FUS: variants seen among roughly 807,000 people sequenced by gnomAD.
The protein encoded by FUS is FUS RNA binding protein.
In FUS, 5 loss-of-function variants were observed where a neutral mutation model predicts 82.7. That is an observed-to-expected ratio of 0.06 (90% CI 0.03 to 0.13). FUS has a LOEUF of 0.13. Among genes scored for constraint, FUS ranks in the 10% least tolerant of loss-of-function variants. The pLI, the probability that FUS is intolerant of heterozygous loss-of-function variation, is 1.00. For missense variants in FUS, 512 were observed against 707.8 expected (o/e 0.72, Z 3.14); for synonymous variants, 281 against 247.4 (o/e 1.14, Z -1.27).
downstream of FUS, chr16:31,192,559 ATTTTTAT>A (rs1182198632): frequency 1.2e-5 from 6 of 495,588 alleles, no homozygotes; most frequent in Admixed American, 2.3e-5. Context: ...TTCCTCTCAA[ATTTTTAT>A]TTTTTATTTT....
At chr16:31,185,202 A>T (rs2079249740) in intron 6 of FUS, 23 bp downstream of exon 6, 1 of 1,594,382 alleles carries the variant, frequency 6.3e-7, no homozygotes, top group Non-Finnish European at 8.6e-7. Flanking sequence ...TGAGCCAGGG[A>T]GTATCTTTGG....
chr16:31,188,446 CTG>C (rs2079304305), intron 8 of FUS, 89 bp downstream of exon 8: 11 of 1,425,688 alleles, frequency 7.7e-6, no homozygotes, highest in Non-Finnish European at 9.8e-6. Context: ...AAAAAGGAAA[CTG>C]AAAAAAATGG....
chr16:31,194,470 G>C (rs575479058), downstream of FUS: 2 of 498,584 alleles, frequency 4.0e-6, no homozygotes, highest in Non-Finnish European at 7.9e-6. Flanking sequence ...ATTTTTTTTT[G>C]TATTTTTTGT....
chr16:31,185,978 G>C (rs1010524196), intron 6 of FUS: 2 of 237,158 alleles, frequency 8.4e-6, no homozygotes, highest in East Asian at 1.2e-4. Context: ...AGGAATGTCA[G>C]TGTTACTGTT....
chr16:31,180,173 T>G lies in FUS; in HGVS notation c.-42T>G, dbSNP rs367552345. The G allele has an allele frequency of 1.0e-5, 16 of 1,606,212 alleles. No homozygotes were observed. In the African/African-American group the frequency reaches 1.9e-4, roughly 19 times the overall value. On this transcript the variant is annotated 5_prime_UTR_variant, in exon 1 of 15. Coordinates refer to ENST00000254108, the MANE Select transcript of FUS (RefSeq NM_004960.4). ...TCCAGGCGTCGGTACTCAGCGGTGT[T>G]GGAACTTCGTTGCTTGCTTGCCTGT...
intron 14 of FUS, 61 bp from the exon 15 acceptor site, chr16:31,191,338 G>A: frequency 6.2e-7 from 1 of 1,601,980 alleles, no homozygotes; most frequent in Non-Finnish European, 8.5e-7. Context: ...GGATATCTAG[G>A]CTTGGAGAGG....
downstream of FUS, chr16:31,191,791 A>C: frequency 1.7e-6 from 1 of 582,800 alleles, no homozygotes; most frequent in East Asian, 3.6e-5. Flanking sequence ...TTGGTGTATA[A>C]ATGAGAAATG....
chr16:31,185,072 T>A lies in FUS; in HGVS notation c.657T>A (p.Gly219=). Residue 219 remains glycine (G), a synonymous_variant, in exon 6 of 15, where the codon GGT becomes GGA. Coordinates refer to ENST00000254108, the MANE Select transcript of FUS (RefSeq NM_004960.4). ...GQQDRGGRGR[G]GSGGGGGGGG... ...AGGACCGTGGAGGCCGCGGCAGGGG[T>A]GGCAGTGGTGGCGGCGGCGGCGGCG... is the stretch of plus-strand genomic sequence containing the variant. 2 of 1,608,274 alleles carry A rather than the reference T, an allele frequency of 1.2e-6. No homozygotes were observed. The highest frequency in any genetic ancestry group is 2.7e-5 in the African/African-American group (2 of 74,498).
Position 31,190,841 on chromosome 16 carries a change from G to T in FUS, c.1392G>T (p.Met464Ile), listed in dbSNP as rs1555509556. 3.1e-6 allele frequency: 5 copies of T among 1,613,982 alleles called. No homozygotes were observed. In the East Asian group the frequency reaches 1.1e-4, roughly 36 times the overall value. Residue 464 changes from methionine (M) to isoleucine (I), a missense_variant and splice_region_variant, in exon 13 of 15, where the codon ATG becomes ATT. Met to Ile is a conservative substitution (Grantham distance 10). Coordinates refer to ENST00000254108, the MANE Select transcript of FUS (RefSeq NM_004960.4). Reference protein sequence around the residue: ...GPGGGPGGSHMGGNYGDDRRG... With the variant: ...GPGGGPGGSHIGGNYGDDRRG... ...GAGGGGGACCAGGTGGCTCTCACAT[G>T]GGTAAGAAAGGCAGACCTGGTGCTA... is the stretch of plus-strand genomic sequence containing the variant.
At position 31,182,614 on chromosome 16, in the gene FUS, C is replaced by T; in HGVS notation, c.140C>T (p.Thr47Ile). Residue 47 changes from threonine to isoleucine, a missense_variant, in exon 3 of 15, where the codon ACT (threonine) becomes ATT (isoleucine). Thr to Ile is a moderately conservative substitution (Grantham distance 89, BLOSUM62 -1). This residue lies in a region of FUS where 276 missense variants were observed against 303.3 expected (regional missense o/e 0.91). Coordinates refer to ENST00000254108, the MANE Select transcript of FUS (RefSeq NM_004960.4). ...AGTGGTTATAGCCAGTCCACGGACACTTCAGGCTATGGCCAGAGCAGCTAT... is the reference window on the plus strand; with the variant it reads ...AGTGGTTATAGCCAGTCCACGGACATTTCAGGCTATGGCCAGAGCAGCTAT... ...SYSGYSQSTD[T>I]SGYGQSSYSS... is the part of the protein sequence containing the mutation. 1 of 1,614,216 alleles carries T rather than the reference C, an allele frequency of 6.2e-7. No individual in the cohort carries two copies. Among genetic ancestry groups the T allele is most frequent in the Non-Finnish European group, 8.5e-7 (1 of 1,180,030 alleles).
chr16:31,194,270 T>G (rs1279591314), downstream of FUS: 2 of 530,718 alleles, frequency 3.8e-6, no homozygotes, highest in South Asian at 3.1e-5. Context: ...AGGCATGTCT[T>G]CCTTCCAGTC....
rs764863187 is a variant in FUS, at chr16:31,185,174, C to T, written c.759C>T (p.Gly253=). 6.2e-7 allele frequency: 1 copy of T among 1,608,210 alleles called. No homozygotes were observed. The highest frequency in any genetic ancestry group is 8.5e-7 in the Non-Finnish European group (1 of 1,177,144). ...GAGGTGGCCGTGGAGGCAGAGGTGG[C>T]ATGGGGTAGGTGTCTCATGAGCCAG... ...GRGGGRGGRG[G]MGGSDRGGFN... Residue 253 remains glycine, a synonymous_variant, in exon 6 of 15, where the codon GGC becomes GGT. Coordinates refer to ENST00000254108, the MANE Select transcript of FUS (RefSeq NM_004960.4).
intron 1 of FUS, 70 bp downstream of exon 1, chr16:31,180,297 C>A: frequency 6.4e-7 from 1 of 1,555,604 alleles, no homozygotes; most frequent in Non-Finnish European, 8.7e-7. Context: ...TTTTCGTTTT[C>A]AGTGGGACCG....
Position 31,184,972 on chromosome 16 carries a change from G to T in FUS, c.557G>T (p.Ser186Ile), listed in dbSNP as rs751402052. Residue 186 changes from serine (S) to isoleucine (I), a missense_variant, in exon 6 of 15, where the codon AGT becomes ATT. Ser to Ile is a moderately radical substitution (Grantham distance 142). This residue lies in a region of FUS where 276 missense variants were observed against 303.3 expected (regional missense o/e 0.91). Coordinates refer to ENST00000254108, the MANE Select transcript of FUS (RefSeq NM_004960.4). ...NYGQDQSSMS[S>I]GGGSGGGYGN... is the part of the protein sequence containing the mutation. ...GGCCAAGATCAATCCTCCATGAGTAGTGGTGGTGGCAGTGGTGGCGGTTAT... is the reference window on the plus strand; with the variant it reads ...GGCCAAGATCAATCCTCCATGAGTATTGGTGGTGGCAGTGGTGGCGGTTAT... 9.9e-6 allele frequency: 16 copies of T among 1,613,556 alleles called. 1 individual carries two copies. In the South Asian group the frequency reaches 1.3e-4, roughly 13 times the overall value.
intron 4 of FUS, 56 bp from the exon 5 acceptor site, chr16:31,184,153 A>T: frequency 1.2e-6 from 2 of 1,614,040 alleles, no homozygotes; most frequent in Non-Finnish European, 1.7e-6. Context: ...TAAAAGTGAA[A>T]GGAAATTGGG....
In FUS at chr16:31,191,529, C is replaced by A; in HGVS notation, c.*91C>A. 1 of 1,412,704 alleles carries A rather than the reference C, an allele frequency of 7.1e-7. No individual in the cohort carries two copies. The highest frequency in any genetic ancestry group is 1.0e-6 in the Non-Finnish European group (1 of 1,000,008). The allele number at this position is 1,412,704 out of a possible 1,614,324, so 87.5% of individuals were successfully genotyped here. On this transcript the variant is annotated 3_prime_UTR_variant, in exon 15 of 15. Coordinates refer to ENST00000254108, the MANE Select transcript of FUS (RefSeq NM_004960.4). ...TGTAACCTTCCAATTCCTGATCACC[C>A]AAGGGTTTTTTTGTGTCGGACTATG...
downstream of FUS, chr16:31,193,953 C>G (rs771109506): frequency 1.9e-6 from 1 of 531,072 alleles, no homozygotes; most frequent in South Asian, 1.5e-5. Context: ...GGCCAGAATA[C>G]TCTATTCTTA....
downstream of FUS, chr16:31,193,480 A>G (rs1413307063): frequency 1.9e-6 from 1 of 528,436 alleles, no homozygotes; most frequent in Admixed American, 2.2e-5. Context: ...CAGGATTCTA[A>G]TCTTGCTTTG....
Position 31,190,876 on chromosome 16 carries a change from G to T in FUS, c.1393+34G>T, listed in dbSNP as rs13331793. The T allele has an allele frequency of 2.5e-3, 4,078 of 1,613,060 alleles. 106 individuals carry two copies. The African/African-American group carries it at 0.05, about 20-fold the overall frequency. ...GGCAGACCTGGTGCTAGGGAGCTGG[G>T]ACCAAAGAATCCTTAATTTTTCAGC... On this transcript the variant is annotated intron_variant, in intron 13 of 14. Transcript: ENST00000254108.
Sources: allele counts gnomAD v4.1 joint callset, GRCh38; gene constraint gnomAD v4.1.1; regional missense constraint gnomAD v4.1.1; transcripts MANE v1.5; gene names NCBI Gene and HGNC (gene_info 2026-07-23, HGNC 2026-07-21).